UNC13C: variants seen among roughly 807,000 people sequenced by gnomAD.
UNC13C encodes the protein protein unc-13 homolog C.
UNC13C carries 174 observed loss-of-function variants against 245.4 expected under a neutral mutation model. The observed-to-expected ratio is 0.71, with a 90% CI of 0.63 to 0.80. The LOEUF is 0.80. Ranked by LOEUF, UNC13C falls within the 30% of genes least tolerant of loss-of-function variation. The pLI is 0.00. For missense variants in UNC13C, 2,829 were observed against 2,602.9 expected (o/e 1.09, Z -1.89); for synonymous variants, 992 against 895.1 (o/e 1.11, Z -1.93).
the UNC13C span, among the ~76,000 whole-genome samples, chr15:53,919,616 C>T: frequency 6.6e-6 from 1 of 152,134 alleles, no homozygotes; most frequent in Non-Finnish European, 1.5e-5. Flanking sequence ...GGAGCTGACA[C>T]AATCTTTTTT....
chr15:54,498,654 C>T (rs1894058686), intron 20 of UNC13C, among the ~76,000 whole-genome samples: 1 of 151,948 alleles, frequency 6.6e-6, no homozygotes, highest in African/African-American at 2.4e-5. Flanking sequence ...ATAAATTGTA[C>T]CATTTAAATA....
At chr15:54,538,554 T>C (rs1896098368) in intron 26 of UNC13C, among the ~76,000 whole-genome samples, 1 of 152,214 alleles carries the variant, frequency 6.6e-6, no homozygotes, top group African/African-American at 2.4e-5. Flanking sequence ...CGTATGTTCA[T>C]TGCAGCACTG....
rs529373190 is a variant in UNC13C, at chr15:54,498,826, C to T, written c.5061-1253C>T. Among the ~76,000 whole-genome samples, 52 of 152,232 alleles carry T rather than the reference C, an allele frequency of 3.4e-4. 2 individuals are homozygous for T. The highest frequency in any genetic ancestry group is 3.1e-3 in the Admixed American group (47 of 15,282). ...AGATAGCAATTCCCCCCACATGGAC[C>T]TACAGTTTCAATACAACCCTATGCA... On this transcript the variant is annotated intron_variant, in intron 20 of 32. Coordinates refer to ENST00000260323, the MANE Select transcript of UNC13C (RefSeq NM_001080534.3).
the UNC13C span, among the ~76,000 whole-genome samples, chr15:53,858,139 T>A: frequency 6.6e-6 from 1 of 152,352 alleles, no homozygotes; most frequent in South Asian, 2.1e-4. Context: ...TTTTGATATG[T>A]ACATCTATAA....
At chr15:54,370,656 T>C (rs1409768565) in intron 17 of UNC13C, among the ~76,000 whole-genome samples, 1 of 152,196 alleles carries the variant, frequency 6.6e-6, no homozygotes, top group Non-Finnish European at 1.5e-5. Flanking sequence ...ATTTCTAATC[T>C]GACATGTTGT....
At chr15:54,265,557 G>C in intron 10 of UNC13C, 61 bp downstream of exon 10, 1 of 1,214,214 alleles carries the variant, frequency 8.2e-7, no homozygotes, top group Non-Finnish European at 1.1e-6. Context: ...ATTTAAGACA[G>C]GCATACAAAG....
At chr15:53,965,539 C>CTTAT in the UNC13C span, among the ~76,000 whole-genome samples, 23,137 of 144,598 alleles carry the variant, frequency 0.16, 2,042 homozygotes, top group East Asian at 0.29. Flanking sequence ...TTTTTTTTCC[C>CTTAT]TTATTTATTT....
intron 8 of UNC13C, among the ~76,000 whole-genome samples, chr15:54,256,687 G>A (rs764453046): frequency 4.6e-5 from 7 of 152,166 alleles, no homozygotes; most frequent in South Asian, 2.1e-4. Context: ...CAACAACAAC[G>A]AAAACACTAT....
intron 4 of UNC13C, among the ~76,000 whole-genome samples, chr15:54,150,940 T>C (rs1001662643): frequency 2.0e-5 from 3 of 152,200 alleles, no homozygotes; most frequent in Non-Finnish European, 4.4e-5. Context: ...AAAATAATCA[T>C]AAAACTGACT....
At chr15:54,401,588 A>G (rs912577924) in intron 18 of UNC13C, among the ~76,000 whole-genome samples, 1 of 152,200 alleles carries the variant, frequency 6.6e-6, no homozygotes, top group Non-Finnish European at 1.5e-5. Flanking sequence ...AGTCAGAATG[A>G]AGTATAAACA....
At chr15:54,611,541 C>A (rs891376728) in intron 30 of UNC13C, 8 of 152,100 alleles carry the variant, frequency 5.3e-5, no homozygotes, top group African/African-American at 1.7e-4. Flanking sequence ...GTTCTTATTT[C>A]TGAAATAATC....
chr15:54,399,944 A>T (rs536784146), intron 18 of UNC13C, among the ~76,000 whole-genome samples: 1 of 152,000 alleles, frequency 6.6e-6, no homozygotes, highest in African/African-American at 2.4e-5. Context: ...AATTGTTATG[A>T]AAGTGTTTAT....
intron 30 of UNC13C, among the ~76,000 whole-genome samples, chr15:54,620,507 A>C: frequency 6.6e-6 from 1 of 152,162 alleles, no homozygotes; most frequent in East Asian, 1.9e-4. Context: ...ATCCAGGTTC[A>C]TACTGTATTA....
intron 4 of UNC13C, among the ~76,000 whole-genome samples, chr15:54,217,753 C>G (rs771655621): frequency 6.6e-6 from 1 of 151,368 alleles, no homozygotes. Flanking sequence ...ATAAAAAATA[C>G]TTACTGGCCT....
intron 19 of UNC13C, among the ~76,000 whole-genome samples, chr15:54,423,211 G>C (rs2040689415): frequency 6.6e-6 from 1 of 151,564 alleles, no homozygotes; most frequent in South Asian, 2.1e-4. Context: ...CCACTGATGG[G>C]TTGAAGCTAG....
At chr15:54,000,696 A>G (rs1479482295) in intron 1 of UNC13C, among the ~76,000 whole-genome samples, 2 of 152,164 alleles carry the variant, frequency 1.3e-5, no homozygotes, top group Admixed American at 6.5e-5. Context: ...ATGGACAGAT[A>G]GAATGTAATA....
chr15:54,384,172 T>C (rs1011491556), intron 17 of UNC13C, among the ~76,000 whole-genome samples: 1 of 152,122 alleles, frequency 6.6e-6, no homozygotes, highest in African/African-American at 2.4e-5. Context: ...AAAATTCATA[T>C]GGAACAAGTA....
At chr15:54,156,528 A>G (rs2032752806) in intron 4 of UNC13C, among the ~76,000 whole-genome samples, 1 of 152,166 alleles carries the variant, frequency 6.6e-6, no homozygotes, top group African/African-American at 2.4e-5. Context: ...CTTATAATTT[A>G]GAAGGTTCCC....
intron 29 of UNC13C, among the ~76,000 whole-genome samples, chr15:54,566,665 C>G (rs1156579882): frequency 6.6e-6 from 1 of 152,026 alleles, no homozygotes. Flanking sequence ...CTACAGTATA[C>G]TCTCGGAAAG....
Sources: gnomAD v4.1 joint callset for allele counts (sites outside exome capture counted in the v4.1 genomes callset) on GRCh38, gnomAD v4.1.1 for gene constraint, MANE v1.5 for transcripts, NCBI Gene and HGNC (gene_info 2026-07-23, HGNC 2026-07-21) for gene names.